Variants in VCL observed in about 807,000 individuals in gnomAD.
VCL encodes the protein epididymis luminal protein 114.
In VCL, 47 loss-of-function variants were observed where a neutral mutation model predicts 125.7. That is an observed-to-expected ratio of 0.37 (90% CI 0.30 to 0.48). The LOEUF (loss-of-function observed/expected upper bound fraction) is 0.48, where lower values mean the gene tolerates loss of function less well. Among genes scored for constraint, VCL ranks in the 20% least tolerant of loss-of-function variants. The probability of loss-of-function intolerance (pLI) is 0.99; values close to 1 mark genes in which losing one functional copy is unlikely to be tolerated. For synonymous variants in VCL, 458 were observed against 514.6 expected (o/e 0.89, Z 1.49); for missense variants, 1,069 against 1,455.5 (o/e 0.73, Z 4.32).
chr10:74,049,943 A>G (rs1326191292), intron 2 of VCL, among the ~76,000 whole-genome samples: 1 of 152,166 alleles, frequency 6.6e-6, no homozygotes, highest in Non-Finnish European at 1.5e-5. Flanking sequence ...AAACTATTTT[A>G]TTTGCCTTGG....
chr10:74,054,308 A>G (rs1009420210), intron 2 of VCL, among the ~76,000 whole-genome samples: 1 of 152,310 alleles, frequency 6.6e-6, no homozygotes, highest in South Asian at 2.1e-4. Flanking sequence ...TTTCAAAGCA[A>G]TATTGTTAGG....
At chr10:74,000,126 T>C (rs932986737) in intron 1 of VCL, among the ~76,000 whole-genome samples, 1 of 152,208 alleles carries the variant, frequency 6.6e-6, no homozygotes, top group African/African-American at 2.4e-5. Context: ...TAATAAGCAT[T>C]GAATGTCTGC....
rs998831260 is a variant in VCL at position 74,114,676 on chromosome 10, T to C, written c.3154-119T>C. ...AAAACAAGTGGAATTCTGCTGCTTATTTATCGAGTGCCTTTTCTGTGCCAG... is the reference window on the plus strand; with the variant it reads ...AAAACAAGTGGAATTCTGCTGCTTACTTATCGAGTGCCTTTTCTGTGCCAG... On this transcript the variant is annotated intron_variant, in intron 20 of 21. Transcript: ENST00000211998. The C allele has an allele frequency of 5.4e-6, 6 of 1,112,678 alleles. No homozygotes were observed. In the African/African-American group the frequency reaches 9.3e-5, roughly 17 times the overall value. 68.9% of individuals were successfully genotyped at this position (1,112,678 alleles called of 1,614,324 possible).
At chr10:74,101,137 A>G in intron 14 of VCL, 40 bp downstream of exon 14, 1 of 1,601,412 alleles carries the variant, frequency 6.2e-7, no homozygotes, top group South Asian at 1.1e-5. Flanking sequence ...TTCAGTAAAG[A>G]AAGTTAATTA....
At chr10:74,056,539 G>T (rs187591148) in intron 2 of VCL, among the ~76,000 whole-genome samples, 77 of 152,190 alleles carry the variant, frequency 5.1e-4, no homozygotes, top group Non-Finnish European at 8.7e-4. Flanking sequence ...AGGTCTGTAG[G>T]ATCTTTAAAT....
chr10:74,075,173 C>T (rs1280612485), intron 6 of VCL: 4 of 447,076 alleles, frequency 8.9e-6, no homozygotes, highest in South Asian at 5.0e-5. Context: ...AGGCTGGAGT[C>T]TTATTGGTTG....
At chr10:74,091,838 G>A (rs1395854515) in intron 10 of VCL, among the ~76,000 whole-genome samples, 1 of 147,402 alleles carries the variant, frequency 6.8e-6, no homozygotes, top group East Asian at 2.0e-4. Flanking sequence ...AAAAAAGAGA[G>A]AGACAGAGTA....
chr10:74,100,840 TA>T, intron 13 of VCL, 107 bp from the exon 14 acceptor site: 1 of 1,347,120 alleles, frequency 7.4e-7, no homozygotes, highest in Non-Finnish European at 1.1e-6. Flanking sequence ...ATGTCATCTC[TA>T]AAGTCTTTGA....
At chr10:73,999,533 G>A (rs1840185809) in intron 1 of VCL, among the ~76,000 whole-genome samples, 1 of 152,150 alleles carries the variant, frequency 6.6e-6, no homozygotes, top group African/African-American at 2.4e-5. Flanking sequence ...AGTTCATACT[G>A]CTCCCCCACT....
At chr10:74,020,042 A>T (rs1028206876) in intron 1 of VCL, among the ~76,000 whole-genome samples, 10 of 151,994 alleles carry the variant, frequency 6.6e-5, no homozygotes, top group African/African-American at 2.2e-4. Context: ...CAACCTGGGC[A>T]ACAAGAGTGA....
intron 17 of VCL, among the ~76,000 whole-genome samples, chr10:74,108,585 T>A (rs7896821): frequency 6.7e-4 from 102 of 152,246 alleles, no homozygotes; most frequent in African/African-American, 2.4e-3. Context: ...GTTCAAGCAA[T>A]TCTCCTGCCT....
At chr10:74,093,715 C>T (rs1189817879) in intron 10 of VCL, among the ~76,000 whole-genome samples, 1 of 152,004 alleles carries the variant, frequency 6.6e-6, no homozygotes, top group Non-Finnish European at 1.5e-5. Flanking sequence ...AGGAGGATTG[C>T]TGCAGTGAGC....
At chr10:74,011,701 A>G (rs1235867723) in intron 1 of VCL, among the ~76,000 whole-genome samples, 1 of 152,214 alleles carries the variant, frequency 6.6e-6, no homozygotes, top group East Asian at 1.9e-4. Flanking sequence ...AAATATTTAT[A>G]CAGTCTCAAA....
Position 74,074,757 on chromosome 10 carries a change from G to A in VCL, c.637G>A (p.Val213Ile). Residue 213 changes from valine to isoleucine, a missense_variant, in exon 6 of 22, where the codon GTA becomes ATA. Transcript: ENST00000211998. ...PVLISAMKIFVTTKNSKNQGI... is the reference protein window; with the variant it reads ...PVLISAMKIFITTKNSKNQGI... ...TATTTTTACAGCTATGAAGATTTTT[G>A]TAACAACTAAAAACTCAAAAAACCA... The A allele has an allele frequency of 6.2e-7, 1 of 1,612,628 alleles. No homozygotes were observed. Among genetic ancestry groups the A allele is most frequent in the East Asian group, 2.2e-5 (1 of 44,866 alleles).
rs1300199267 is a variant in VCL at position 74,097,821 on chromosome 10, C to T, written c.1872+489C>T. 6.6e-6 allele frequency among the ~76,000 whole-genome samples: 1 copy of T among 152,116 alleles called. No homozygotes were observed. The highest frequency in any genetic ancestry group is 1.5e-5 in the Non-Finnish European group (1 of 68,018). ...TACTCAGACCCTTCCAATGACTCCC[C>T]GCTATCCCAGAGTAAAACCAGAGTG... On this transcript the variant is annotated intron_variant, in intron 13 of 21. Transcript: ENST00000211998. This position sits in a 1 kb window ranked among gnomAD's most constrained non-coding sequence, Gnocchi z 4.1.
At chr10:74,077,364 T>TACC (rs1418902112) in intron 6 of VCL, 1 of 152,868 alleles carries the variant, frequency 6.5e-6, no homozygotes, top group African/African-American at 2.4e-5. Context: ...CAAAAAGATA[T>TACC]ACCTGATAAG....
At chr10:74,001,522 C>G (rs1339281671) in intron 1 of VCL, among the ~76,000 whole-genome samples, 1 of 151,802 alleles carries the variant, frequency 6.6e-6, no homozygotes, top group East Asian at 1.9e-4. Context: ...TAGGATCACT[C>G]AATAAATATT....
At chr10:74,104,884 A>T in intron 15 of VCL, 167 bp from the exon 16 acceptor site, 2 of 769,602 alleles carry the variant, frequency 2.6e-6, no homozygotes, top group Admixed American at 5.4e-5. Flanking sequence ...TGTTTTTTTT[A>T]ACTGTGGTGT....
chr10:74,032,240 TAAAAAAAAAAAAA>T (rs770412004), intron 1 of VCL, among the ~76,000 whole-genome samples: 1 of 75,998 alleles, frequency 1.3e-5, no homozygotes, highest in Admixed American at 1.5e-4. Flanking sequence ...TGTTTCAGAA[TAAAAAAAAAAAAA>T]AAAAAAAGAA....
Sources: allele counts gnomAD v4.1 joint callset (sites outside exome capture counted in the v4.1 genomes callset), GRCh38; gene constraint gnomAD v4.1.1; non-coding constraint Gnocchi (gnomAD v3.1); transcripts MANE v1.5; gene names NCBI Gene and HGNC (gene_info 2026-07-23, HGNC 2026-07-21).